The following TOP2B variants were observed in gnomAD, a reference collection of about 807,000 sequenced individuals.
TOP2B encodes DNA topoisomerase II beta.
Under a neutral mutation model 193.5 loss-of-function variants are expected in TOP2B, and 51 were observed. The ratio of observed to expected loss-of-function variants is 0.26; its 90% CI spans 0.21 to 0.33. The LOEUF (loss-of-function observed/expected upper bound fraction) is 0.33. Ranked by LOEUF, TOP2B falls within the 10% of genes least tolerant of loss-of-function variation. TOP2B has a pLI of 1.00. For synonymous variants in TOP2B, 634 were observed against 635.7 expected (o/e 1.00, Z 0.04); for missense variants, 1,378 against 1,909.3 (o/e 0.72, Z 5.19).
intron 21 of TOP2B, among the ~76,000 whole-genome samples, chr3:25,621,805 A>C (rs1293152324): frequency 6.6e-5 from 10 of 152,070 alleles, no homozygotes; most frequent in African/African-American, 2.2e-4. Context: ...CCTGGCCAAC[A>C]CAGTGAAACC....
In TOP2B at chr3:25,607,129, A is replaced by T. The variant is rs1357456981; in HGVS notation, c.4298+42T>A. On this transcript the variant is annotated intron_variant, in intron 31 of 35. Coordinates refer to ENST00000264331, the MANE Select transcript of TOP2B (RefSeq NM_001330700.2). The stretch of plus-strand genomic sequence containing the variant: ...ACTATAATATCTTTGGCAAATGTTT[A>T]CAACAATTAACTATACCACATCACT... 3 of 1,596,160 alleles carry T rather than the reference A, an allele frequency of 1.9e-6. No homozygotes were observed. The Admixed American group carries it at 5.2e-5, about 28-fold the overall frequency.
chr3:25,626,813 T>G lies in TOP2B; in HGVS notation c.2068A>C (p.Met690Leu). 1 of 1,607,238 alleles carries G rather than the reference T, an allele frequency of 6.2e-7. No individual in the cohort carries two copies. Among genetic ancestry groups the G allele is most frequent in the Non-Finnish European group, 8.5e-7 (1 of 1,177,358 alleles). The part of the protein sequence containing the change: ...DDRKEWLTNF[M>L]EDRRQRRLHG... Reference sequence around the variant, plus strand: ...AGCCTACGCTGTCTCCGGTCTTCCATAAAATTTGTTAACCATTCTTTTCTG... The same window carrying G: ...AGCCTACGCTGTCTCCGGTCTTCCAGAAAATTTGTTAACCATTCTTTTCTG... Residue 690 changes from methionine to leucine, a missense_variant, in exon 17 of 36, where the codon ATG (methionine) becomes CTG (leucine). By Grantham distance (15) the Met-to-Leu change is conservative. This residue lies in a region of TOP2B where 379 missense variants were observed against 615.1 expected (regional missense o/e 0.62). Coordinates refer to ENST00000264331, the MANE Select transcript of TOP2B (RefSeq NM_001330700.2).
chr3:25,611,500 T>C (rs563335208), intron 28 of TOP2B, among the ~76,000 whole-genome samples: 1 of 152,344 alleles, frequency 6.6e-6, no homozygotes, highest in Admixed American at 6.5e-5. Flanking sequence ...TGAGGCTATA[T>C]TCCCACCTAC....
At chr3:25,619,757 A>AT in intron 23 of TOP2B, 105 bp downstream of exon 23, 2 of 697,636 alleles carry the variant, frequency 2.9e-6, no homozygotes, top group Non-Finnish European at 4.6e-6. Flanking sequence ...AAAAAAAAAA[A>AT]TGCCTTCAGG....
chr3:25,662,775 A>G (rs1408282142), intron 1 of TOP2B, among the ~76,000 whole-genome samples: 1 of 152,258 alleles, frequency 6.6e-6, no homozygotes, highest in African/African-American at 2.4e-5. Flanking sequence ...ATAGAACCAG[A>G]GGTCTTCAGA....
chr3:25,654,267 T>C (rs1285210953), intron 1 of TOP2B, among the ~76,000 whole-genome samples: 1 of 152,166 alleles, frequency 6.6e-6, no homozygotes, highest in Non-Finnish European at 1.5e-5. Context: ...GATACAAAAA[T>C]TGGTTATGTT....
chr3:25,640,848 C>T (rs1372969750), intron 4 of TOP2B, among the ~76,000 whole-genome samples: 1 of 151,416 alleles, frequency 6.6e-6, no homozygotes, highest in South Asian at 2.1e-4. Context: ...GCCTGACCTC[C>T]CAGGCTCAAG....
At chr3:25,637,375 TA>T in intron 5 of TOP2B, 63 bp from the exon 6 acceptor site, 1 of 1,224,750 alleles carries the variant, frequency 8.2e-7, no homozygotes, top group Admixed American at 2.2e-5. Flanking sequence ...TTCGTTAATT[TA>T]CCACCATACG....
intron 2 of TOP2B, among the ~76,000 whole-genome samples, chr3:25,644,801 G>A (rs1242593070): frequency 6.6e-6 from 1 of 151,430 alleles, no homozygotes; most frequent in Non-Finnish European, 1.5e-5. Context: ...TCTGATTTTT[G>A]TTTTTTGTTT....
Position 25,630,220 on chromosome 3 carries a change from T to C in TOP2B, c.1564-66A>G, listed in dbSNP as rs148453295. ...TGAAATATACGAGTCAGAAATTACA[T>C]TTAAAAATTCGAGAAGTTTAGTAAA... On this transcript the variant is annotated intron_variant, in intron 12 of 35. Transcript: ENST00000264331. The C allele has an allele frequency of 2.4e-5, 36 of 1,520,090 alleles. No homozygotes were observed. In the African/African-American group the frequency reaches 4.6e-4, roughly 20 times the overall value. 94.2% of individuals were successfully genotyped at this position (1,520,090 alleles called of 1,614,324 possible). A position where few individuals can be genotyped will look rare whatever the true frequency, so the allele number is the denominator to read the frequency against.
chr3:25,619,110 C>T lies in TOP2B; in HGVS notation c.3064-261G>A, dbSNP rs190504125. On this transcript the variant is annotated intron_variant, in intron 23 of 35. Coordinates refer to ENST00000264331, the MANE Select transcript of TOP2B (RefSeq NM_001330700.2). ...ATAATATTGAAAGACAAAAATAGGC[C>T]TTAAAAAAAGGGCTCTTAAAGTAAC... Among the ~76,000 whole-genome samples, 244 of 152,066 alleles carry T rather than the reference C, an allele frequency of 1.6e-3. 1 individual carries two copies. Among genetic ancestry groups the T allele is most frequent in the African/African-American group, 5.7e-3 (238 of 41,498 alleles).
intron 1 of TOP2B, among the ~76,000 whole-genome samples, chr3:25,662,577 T>C (rs1204782660): frequency 1.3e-5 from 2 of 152,246 alleles, no homozygotes; most frequent in African/African-American, 2.4e-5. Context: ...TCAATTTCAG[T>C]TTCAAATGGA....
intron 25 of TOP2B, among the ~76,000 whole-genome samples, chr3:25,617,039 C>T (rs1025401464): frequency 2.6e-5 from 4 of 152,058 alleles, no homozygotes; most frequent in African/African-American, 9.7e-5. Context: ...GTTACCTGAA[C>T]TCCCCAAAAT....
intron 32 of TOP2B, among the ~76,000 whole-genome samples, chr3:25,605,215 C>G (rs1199624359): frequency 6.6e-6 from 1 of 151,922 alleles, no homozygotes; most frequent in African/African-American, 2.4e-5. Context: ...ATTTTAGTAC[C>G]TACACAAATA....
At chr3:25,626,474 A>G in intron 18 of TOP2B, 86 bp downstream of exon 18, 1 of 690,294 alleles carries the variant, frequency 1.4e-6, no homozygotes. Context: ...AAGAATTTTA[A>G]TATGTATCAT....
intron 30 of TOP2B, among the ~76,000 whole-genome samples, chr3:25,607,978 T>G (rs1372496328): frequency 6.6e-6 from 1 of 152,050 alleles, no homozygotes; most frequent in African/African-American, 2.4e-5. Flanking sequence ...AGACACAGGG[T>G]CTTGCCATGT....
intron 19 of TOP2B, 110 bp downstream of exon 19, chr3:25,624,572 T>C: frequency 1.3e-6 from 2 of 1,533,816 alleles, no homozygotes; most frequent in Non-Finnish European, 1.8e-6. Context: ...TATATTCTCT[T>C]AATTCTTTTA....
At chr3:25,621,187 T>A (rs571458768) in intron 21 of TOP2B, among the ~76,000 whole-genome samples, 29 of 152,314 alleles carry the variant, frequency 1.9e-4, no homozygotes, top group African/African-American at 6.5e-4. Context: ...TGATTTGTCT[T>A]ACAAAACCAC....
rs1224120357 is a variant in TOP2B, at chr3:25,634,799, C to CAAAAAA, written c.853-791_853-786dup. 4.4e-4 allele frequency among the ~76,000 whole-genome samples: 42 copies of CAAAAAA among 96,424 alleles called. 2 individuals carry two copies. The highest frequency in any genetic ancestry group is 4.3e-4 in the Non-Finnish European group (21 of 48,942). 63.3% of individuals were successfully genotyped at this position (96,424 alleles called of 152,430 possible). A position where few individuals can be genotyped will look rare whatever the true frequency, so the allele number is the denominator to read the frequency against. ...TTACCAAAAAAAAAAAAAAAAAAAC[C>CAAAAAA]AAAAAAAGGCTTATTCTGCAGGGCA... On this transcript the variant is annotated intron_variant, in intron 7 of 35. Coordinates refer to ENST00000264331, the MANE Select transcript of TOP2B (RefSeq NM_001330700.2).
Sources: gnomAD v4.1 joint callset for allele counts (sites outside exome capture counted in the v4.1 genomes callset) on GRCh38, gnomAD v4.1.1 for gene constraint, gnomAD v4.1.1 regional missense constraint, MANE v1.5 for transcripts, NCBI Gene and HGNC (gene_info 2026-07-23, HGNC 2026-07-21) for gene names.